Variants in TBC1D5 observed in about 807,000 individuals in gnomAD.
TBC1D5 encodes the protein TBC1 domain family, member 5.
TBC1D5 carries 75 observed loss-of-function variants against 100.3 expected under a neutral mutation model. The ratio of observed to expected loss-of-function variants is 0.75; its 90% CI spans 0.62 to 0.91. TBC1D5 has a LOEUF of 0.91. Among genes scored for constraint, TBC1D5 ranks in the 40% least tolerant of loss-of-function variants. The pLI, the probability that TBC1D5 is intolerant of heterozygous loss-of-function variation, is 0.00. For synonymous variants in TBC1D5, 323 were observed against 325.6 expected (o/e 0.99, Z 0.09); for missense variants, 910 against 942.4 (o/e 0.97, Z 0.45).
chr3:17,737,404 T>G (rs2077043036), intron 1 of TBC1D5, among the ~76,000 whole-genome samples: 2 of 152,228 alleles, frequency 1.3e-5, no homozygotes, highest in African/African-American at 4.8e-5. Context: ...AAAACTGACA[T>G]TCATTTTGCA....
chr3:17,669,285 G>A (rs1193070369), intron 1 of TBC1D5, among the ~76,000 whole-genome samples: 1 of 152,108 alleles, frequency 6.6e-6, no homozygotes, highest in Non-Finnish European at 1.5e-5. Flanking sequence ...GTGGAACTAG[G>A]AGTAAATTAA....
At chr3:17,634,607 G>A (rs1174139038) in intron 1 of TBC1D5, among the ~76,000 whole-genome samples, 4 of 147,678 alleles carry the variant, frequency 2.7e-5, no homozygotes, top group South Asian at 2.2e-4. Context: ...TAGAGGGGAC[G>A]TGGGGATGGC....
rs183645661 is a variant in TBC1D5 at position 17,224,745 on chromosome 3, C to T, written c.1589-10375G>A. On this transcript the variant is annotated intron_variant, in intron 17 of 21. Coordinates refer to ENST00000253692, the Ensembl canonical transcript of TBC1D5. ...TCTTTACTGTATGAGAATAATTAAA[C>T]ATCCAGAAAGAATTTGAAAGCATTT... 1.4e-3 allele frequency among the ~76,000 whole-genome samples: 218 copies of T among 152,280 alleles called. 1 individual carries two copies. The highest frequency in any genetic ancestry group is 4.9e-3 in the African/African-American group (203 of 41,552).
chr3:17,703,981 CA>C (rs1304856228), intron 1 of TBC1D5, among the ~76,000 whole-genome samples: 15 of 138,846 alleles, frequency 1.1e-4, no homozygotes, highest in African/African-American at 3.8e-4. Flanking sequence ...GGGGATTTGG[CA>C]GGGTCATGGG....
intron 2 of TBC1D5, among the ~76,000 whole-genome samples, chr3:17,614,453 A>G (rs2061954079): frequency 6.6e-6 from 1 of 152,198 alleles, no homozygotes; most frequent in Non-Finnish European, 1.5e-5. Context: ...TGGCGATGGT[A>G]TTGAATCTAT....
rs1553901618 is a variant in TBC1D5, at chr3:17,655,459, T to TAATTAAATTAAATTA, written c.-100-31561_-100-31547dup. On this transcript the variant is annotated intron_variant, in intron 1 of 21. Transcript: ENST00000253692. The stretch of plus-strand genomic sequence containing the variant: ...TACCCTAAAACTTAAAGTATAATAA[T>TAATTAAATTAAATTA]AATTAAATTAAATTAAATTAAATTA... 2.5e-3 allele frequency among the ~76,000 whole-genome samples: 371 copies of TAATTAAATTAAATTA among 148,678 alleles called. 1 individual carries two copies. Among genetic ancestry groups the TAATTAAATTAAATTA allele is most frequent in the African/African-American group, 8.3e-3 (335 of 40,488 alleles).
intron 2 of TBC1D5, among the ~76,000 whole-genome samples, chr3:17,568,080 T>C (rs184026165): frequency 6.6e-6 from 1 of 151,744 alleles, no homozygotes; most frequent in Admixed American, 6.6e-5. Context: ...GCATTTAGAA[T>C]GGCAACGTAA....
intron 13 of TBC1D5, among the ~76,000 whole-genome samples, chr3:17,330,658 G>T (rs1559647288): frequency 6.6e-6 from 1 of 152,034 alleles, no homozygotes; most frequent in Non-Finnish European, 1.5e-5. Context: ...TTGGAGATGA[G>T]TTCCCCTTGC....
At chr3:17,628,402 T>C (rs1425205923) in intron 1 of TBC1D5, among the ~76,000 whole-genome samples, 2 of 151,340 alleles carry the variant, frequency 1.3e-5, no homozygotes, top group South Asian at 4.2e-4. Flanking sequence ...CACACCCAAT[T>C]TGCATGGTAG....
rs746842621 is a variant in TBC1D5, at chr3:17,565,550, CCTCATTT to C, written c.-35-56952_-35-56946del. Among the ~76,000 whole-genome samples, 3 of 152,074 alleles carry C rather than the reference CCTCATTT, an allele frequency of 2.0e-5. No individual in the cohort carries two copies. The East Asian group carries it at 5.8e-4, about 29-fold the overall frequency. ...TGAAAAGAATCAACTGCAAAGAAAA[CCTCATTT>C]CTATTTTCAATTGCTGTTTCTGTTG... On this transcript the variant is annotated intron_variant, in intron 2 of 21. Transcript: ENST00000253692.
intron 13 of TBC1D5, among the ~76,000 whole-genome samples, chr3:17,354,102 T>G (rs1478838670): frequency 6.6e-6 from 1 of 152,102 alleles, no homozygotes; most frequent in African/African-American, 2.4e-5. Flanking sequence ...ATGGGCACAT[T>G]ACTCTTTCAC....
chr3:17,305,005 A>C (rs1226434612), intron 14 of TBC1D5, among the ~76,000 whole-genome samples: 1 of 152,202 alleles, frequency 6.6e-6, no homozygotes, highest in African/African-American at 2.4e-5. Flanking sequence ...AAAACCAACA[A>C]CAAAAAGCTG....
chr3:17,541,382 T>G (rs1447931898), intron 2 of TBC1D5, among the ~76,000 whole-genome samples: 1 of 152,186 alleles, frequency 6.6e-6, no homozygotes, highest in Non-Finnish European at 1.5e-5. Flanking sequence ...TCAATAATTA[T>G]TTTTTATGGT....
chr3:17,434,615 G>T (rs1432481219), intron 3 of TBC1D5, among the ~76,000 whole-genome samples: 2 of 152,154 alleles, frequency 1.3e-5, no homozygotes, highest in Admixed American at 1.3e-4. Context: ...ATGTCCTGAG[G>T]TTGCATAGAA....
At chr3:17,680,792 C>T (rs1327436712) in intron 1 of TBC1D5, among the ~76,000 whole-genome samples, 1 of 151,264 alleles carries the variant, frequency 6.6e-6, no homozygotes, top group Non-Finnish European at 1.5e-5. Context: ...TATGTAACAG[C>T]CTAAGAAATC....
At chr3:17,292,380 C>G (rs1019582259) in intron 14 of TBC1D5, among the ~76,000 whole-genome samples, 1 of 151,026 alleles carries the variant, frequency 6.6e-6, no homozygotes, top group Non-Finnish European at 1.5e-5. Context: ...TGGAAAAGAA[C>G]CAGTTTAAGA....
intron 13 of TBC1D5, among the ~76,000 whole-genome samples, chr3:17,354,363 T>G (rs2090985895): frequency 6.6e-6 from 1 of 152,138 alleles, no homozygotes; most frequent in Non-Finnish European, 1.5e-5. Context: ...ATTAATCCCT[T>G]TCCTCTTCTC....
chr3:17,455,528 A>ATGTG (rs1466571973), intron 3 of TBC1D5, among the ~76,000 whole-genome samples: 7,246 of 102,508 alleles, frequency 0.071, 217 homozygotes, highest in Middle Eastern at 0.1. Context: ...ATATATATAT[A>ATGTG]TATGTGTGTG....
intron 13 of TBC1D5, among the ~76,000 whole-genome samples, chr3:17,344,091 T>C (rs2089470900): frequency 6.6e-6 from 1 of 152,176 alleles, no homozygotes; most frequent in Non-Finnish European, 1.5e-5. Flanking sequence ...CTGCTTTCTC[T>C]TGTGGGCATT....
Sources: allele counts gnomAD v4.1 joint callset (sites outside exome capture counted in the v4.1 genomes callset), GRCh38; gene constraint gnomAD v4.1.1; transcripts MANE v1.5; gene names NCBI Gene and HGNC (gene_info 2026-07-23, HGNC 2026-07-21).